SCHIP1: variants seen among roughly 807,000 people sequenced by gnomAD.
SCHIP1 encodes the protein schwannomin-interacting protein 1.
Under a neutral mutation model 29.7 loss-of-function variants are expected in SCHIP1, and 8 were observed. The observed-to-expected ratio is 0.27, with a 90% CI of 0.16 to 0.49. The LOEUF (loss-of-function observed/expected upper bound fraction) is 0.49. Among genes scored for constraint, SCHIP1 ranks in the 20% least tolerant of loss-of-function variants. SCHIP1 has a pLI of 0.99. For missense variants in SCHIP1, 193 were observed against 294.6 expected (o/e 0.66, Z 2.52); for synonymous variants, 76 against 94.9 (o/e 0.80, Z 1.16).
chr3:159,543,523 C>T, the SCHIP1 span, among the ~76,000 whole-genome samples: 1 of 151,180 alleles, frequency 6.6e-6, no homozygotes, highest in African/African-American at 2.4e-5. Flanking sequence ...CAATTTCATC[C>T]ATGTCCCTAC....
chr3:159,829,259 G>T, the SCHIP1 span, among the ~76,000 whole-genome samples: 412 of 152,252 alleles, frequency 2.7e-3, 1 homozygote, highest in Non-Finnish European at 2.5e-3. Flanking sequence ...AAGGGAGGCT[G>T]CCTGCTATAG....
At chr3:159,750,912 T>A in the SCHIP1 span, among the ~76,000 whole-genome samples, 83 of 152,058 alleles carry the variant, frequency 5.5e-4, 1 homozygote, top group African/African-American at 2.2e-4. Context: ...CAAAAAAAAA[T>A]TCCCCTTAGC....
chr3:159,624,639 G>T, the SCHIP1 span, among the ~76,000 whole-genome samples: 1 of 152,128 alleles, frequency 6.6e-6, no homozygotes, highest in Non-Finnish European at 1.5e-5. Context: ...GTGGAGATTG[G>T]GGGTGGAAGG....
At chr3:159,687,278 C>A in the SCHIP1 span, among the ~76,000 whole-genome samples, 1 of 152,030 alleles carries the variant, frequency 6.6e-6, no homozygotes, top group African/African-American at 2.4e-5. Flanking sequence ...CTCTCCCCAC[C>A]AAGACTCAAC....
intron 2 of SCHIP1, among the ~76,000 whole-genome samples, chr3:159,870,450 A>T (rs1715137101): frequency 6.6e-6 from 1 of 152,008 alleles, no homozygotes; most frequent in South Asian, 2.1e-4. Context: ...ACTGTATCAC[A>T]TGCTTTTTCT....
chr3:159,379,370 C>T, the SCHIP1 span, among the ~76,000 whole-genome samples: 183 of 152,130 alleles, frequency 1.2e-3, 1 homozygote, highest in African/African-American at 4.2e-3. Context: ...TACAGGCACC[C>T]GCCACGATGC....
At chr3:159,816,148 C>T in the SCHIP1 span, among the ~76,000 whole-genome samples, 1 of 152,102 alleles carries the variant, frequency 6.6e-6, no homozygotes, top group South Asian at 2.1e-4. Flanking sequence ...AGGATTTCAT[C>T]ATGTCGGCCA....
chr3:159,771,586 A>G, the SCHIP1 span, among the ~76,000 whole-genome samples: 4 of 152,010 alleles, frequency 2.6e-5, no homozygotes, highest in Non-Finnish European at 5.9e-5. Context: ...TTCTTTGCCT[A>G]CTTTCCTATT....
chr3:159,850,975 CT>C (rs985627514), intron 1 of SCHIP1, among the ~76,000 whole-genome samples: 1 of 152,308 alleles, frequency 6.6e-6, no homozygotes, highest in Admixed American at 6.5e-5. Flanking sequence ...GAACTCTAAT[CT>C]TTAAAAGCTA....
the SCHIP1 span, among the ~76,000 whole-genome samples, chr3:159,323,313 A>G: frequency 6.6e-6 from 1 of 152,218 alleles, no homozygotes; most frequent in Non-Finnish European, 1.5e-5. Context: ...AATTTTGCAT[A>G]CTAGTTTTAT....
chr3:159,511,325 T>C, the SCHIP1 span, among the ~76,000 whole-genome samples: 1 of 152,194 alleles, frequency 6.6e-6, no homozygotes, highest in Non-Finnish European at 1.5e-5. Context: ...AAAAGCACAG[T>C]ATTAGGGTGG....
the SCHIP1 span, among the ~76,000 whole-genome samples, chr3:159,369,073 A>G: frequency 6.6e-6 from 1 of 152,282 alleles, no homozygotes; most frequent in East Asian, 1.9e-4. Flanking sequence ...TCCCTGCCCC[A>G]TGGAGGGCTT....
At chr3:159,650,270 G>C in the SCHIP1 span, among the ~76,000 whole-genome samples, 1 of 152,128 alleles carries the variant, frequency 6.6e-6, no homozygotes, top group African/African-American at 2.4e-5. Flanking sequence ...AATGAAAAAA[G>C]GGAAAATTCC....
the SCHIP1 span, among the ~76,000 whole-genome samples, chr3:159,527,658 C>G: frequency 1.3e-5 from 2 of 152,118 alleles, no homozygotes; most frequent in Admixed American, 1.3e-4. Flanking sequence ...ATAAGAAGTG[C>G]TTGAGTTTAT....
chr3:159,886,501 T>C, intron 3 of SCHIP1, 177 bp downstream of exon 4: 1 of 570,068 alleles, frequency 1.8e-6, no homozygotes, highest in South Asian at 2.3e-5. Flanking sequence ...TGTAATAAAA[T>C]AGAGATATAT....
the SCHIP1 span, among the ~76,000 whole-genome samples, chr3:159,313,461 T>C: frequency 1.3e-5 from 2 of 151,414 alleles, no homozygotes; most frequent in African/African-American, 4.8e-5. Context: ...GAAACTTTGA[T>C]AATATTTGTT....
chr3:159,714,361 C>T, the SCHIP1 span, among the ~76,000 whole-genome samples: 124 of 152,306 alleles, frequency 8.1e-4, 1 homozygote, highest in Middle Eastern at 3.4e-3. Flanking sequence ...ACTGAGGTAC[C>T]GGGTTCACTG....
At chr3:159,305,589 A>T in the SCHIP1 span, among the ~76,000 whole-genome samples, 1 of 152,000 alleles carries the variant, frequency 6.6e-6, no homozygotes, top group Non-Finnish European at 1.5e-5. Flanking sequence ...TTTCATTTCC[A>T]CTGGTTCCTT....
At chr3:159,890,114 A>T (rs193050080) in intron 5 of SCHIP1, among the ~76,000 whole-genome samples, 57 of 152,040 alleles carry the variant, frequency 3.7e-4, no homozygotes, top group Admixed American at 5.2e-4. Flanking sequence ...AAAAGAAAGA[A>T]AGAAAAGAAA....
Sources: gnomAD v4.1 joint callset for allele counts (sites outside exome capture counted in the v4.1 genomes callset) on GRCh38, gnomAD v4.1.1 for gene constraint, MANE v1.5 for transcripts, NCBI Gene and HGNC (gene_info 2026-07-23, HGNC 2026-07-21) for gene names.